Variants in MECOM observed in about 807,000 individuals in gnomAD.
MECOM encodes histone-lysine N-methyltransferase MECOM.
Under a neutral mutation model 116.3 loss-of-function variants are expected in MECOM, and 13 were observed. The ratio of observed to expected loss-of-function variants is 0.11; its 90% CI spans 0.07 to 0.18. The LOEUF (loss-of-function observed/expected upper bound fraction) is 0.18. Ranked by LOEUF, MECOM falls within the 10% of genes least tolerant of loss-of-function variation. The pLI is 1.00. For synonymous variants in MECOM, 528 were observed against 535.2 expected, an observed-to-expected ratio of 0.99 and a Z score of 0.19; for missense variants, 1,299 against 1,509.0, an observed-to-expected ratio of 0.86 and a Z score of 2.31.
intron 1 of MECOM, among the ~76,000 whole-genome samples, chr3:169,575,436 G>C (rs1055460925): frequency 2.6e-5 from 4 of 152,192 alleles, no homozygotes; most frequent in Non-Finnish European, 4.4e-5. Context: ...GAGAATGCCA[G>C]CACTGTCTCC....
At chr3:169,303,606 C>T (rs1225142083) in intron 2 of MECOM, among the ~76,000 whole-genome samples, 2 of 152,164 alleles carry the variant, frequency 1.3e-5, no homozygotes, top group African/African-American at 2.4e-5. Flanking sequence ...CAATTTCTTT[C>T]TCTTCTGAAA....
At chr3:169,656,860 A>C (rs924047458) in intron 1 of MECOM, among the ~76,000 whole-genome samples, 1 of 152,388 alleles carries the variant, frequency 6.6e-6, no homozygotes, top group Non-Finnish European at 1.5e-5. Flanking sequence ...GCCTTAAAAA[A>C]AATTCAGTAT....
intron 2 of MECOM, among the ~76,000 whole-genome samples, chr3:169,215,431 C>T (rs2149484588): frequency 6.6e-6 from 1 of 152,204 alleles, no homozygotes; most frequent in South Asian, 2.1e-4. Flanking sequence ...TAATAAATTG[C>T]TGTGAGTTTT....
intron 1 of MECOM, among the ~76,000 whole-genome samples, chr3:169,394,043 A>T (rs1461150286): frequency 2.0e-5 from 3 of 152,196 alleles, no homozygotes; most frequent in Non-Finnish European, 2.9e-5. Context: ...CAGGAAAGAT[A>T]CCTGAAGTCT....
At chr3:169,531,443 C>T (rs571735049) in intron 1 of MECOM, among the ~76,000 whole-genome samples, 114 of 152,268 alleles carry the variant, frequency 7.5e-4, no homozygotes, top group African/African-American at 2.7e-3. Flanking sequence ...TTCAAGATAT[C>T]TTTTTCCACT....
rs201463796 is a variant in MECOM at position 169,663,412 on chromosome 3, C to CTT, written c.-42_-41dup. The stretch of plus-strand genomic sequence containing the variant: ...TGCAGCCGCTGGTGTGTGGTTGGGG[C>CTT]TTTTTTTTCTTGGATCCTTTCCTTC... On this transcript the variant is annotated 5_prime_UTR_variant, in exon 1 of 17. Transcript: ENST00000651503. 1 of 1,588,956 alleles carries CTT rather than the reference C, an allele frequency of 6.3e-7. No individual in the cohort carries two copies. The highest frequency in any genetic ancestry group is 2.3e-5 in the East Asian group (1 of 43,644).
At chr3:169,447,273 T>G (rs1744803755) in intron 1 of MECOM, among the ~76,000 whole-genome samples, 1 of 152,080 alleles carries the variant, frequency 6.6e-6, no homozygotes, top group Non-Finnish European at 1.5e-5. Context: ...CTCCATCTTC[T>G]CCTATAAAAA....
At chr3:169,389,593 A>G in intron 1 of MECOM, 1 of 985,360 alleles carries the variant, frequency 1.0e-6, no homozygotes, top group Non-Finnish European at 1.2e-6. Flanking sequence ...TAAGCTTTCT[A>G]TGTCCCCAAA....
Position 169,355,125 on chromosome 3 carries a change from G to A in MECOM, c.375+26062C>T, listed in dbSNP as rs185950617. The stretch of plus-strand genomic sequence containing the variant: ...CCACTTAATGGCTCACAATAGATCT[G>A]AGCAGACAGATGAAATTTAAAACTT... On this transcript the variant is annotated intron_variant, in intron 2 of 16. Coordinates refer to ENST00000651503, the MANE Select transcript of MECOM (RefSeq NM_004991.4). Among the ~76,000 whole-genome samples the A allele has an allele frequency of 2.1e-3, 321 of 152,068 alleles. 3 individuals carry two copies. Among genetic ancestry groups the A allele is most frequent in the South Asian group, 0.019 (93 of 4,826 alleles).
chr3:169,312,437 C>T (rs1238243567), intron 2 of MECOM, among the ~76,000 whole-genome samples: 1 of 144,146 alleles, frequency 6.9e-6, no homozygotes, highest in South Asian at 2.2e-4. Flanking sequence ...GGCGCGATCT[C>T]GGCTCACTGC....
chr3:169,298,940 T>C (rs1716153577), intron 2 of MECOM, among the ~76,000 whole-genome samples: 2 of 152,110 alleles, frequency 1.3e-5, no homozygotes, highest in African/African-American at 4.8e-5. Context: ...CGAACTATAA[T>C]AGGGGAAACT....
chr3:169,096,704 T>C (rs1721609857), intron 12 of MECOM, among the ~76,000 whole-genome samples: 1 of 152,176 alleles, frequency 6.6e-6, no homozygotes, highest in African/African-American at 2.4e-5. Context: ...AAAGCAGAAG[T>C]CACCCCATTC....
intron 1 of MECOM, among the ~76,000 whole-genome samples, chr3:169,486,311 T>C (rs1752381265): frequency 6.6e-6 from 1 of 151,836 alleles, no homozygotes; most frequent in Admixed American, 6.6e-5. Context: ...GCACATGTAA[T>C]GGCATTGAAA....
intron 2 of MECOM, among the ~76,000 whole-genome samples, chr3:169,204,272 T>C (rs549420761): frequency 6.6e-6 from 1 of 152,346 alleles, no homozygotes; most frequent in African/African-American, 2.4e-5. Context: ...TTAGAAACTT[T>C]ACAGCTGGAA....
rs573454058 is a variant in MECOM, at chr3:169,330,754, A to T, written c.375+50433T>A. 1.8e-3 allele frequency among the ~76,000 whole-genome samples: 274 copies of T among 152,218 alleles called. 1 individual carries two copies. Among genetic ancestry groups the T allele is most frequent in the South Asian group, 2.5e-3 (12 of 4,830 alleles). ...AATAAATGTAATCTGTAGAAAAGAA[A>T]TTTCATATTACCAAAATAAGTGACA... On this transcript the variant is annotated intron_variant, in intron 2 of 16. Coordinates refer to ENST00000651503, the MANE Select transcript of MECOM (RefSeq NM_004991.4).
chr3:169,483,834 T>G, intron 1 of MECOM: 3 of 1,611,782 alleles, frequency 1.9e-6, no homozygotes, highest in Non-Finnish European at 2.5e-6. Context: ...GAAAGGCACC[T>G]CGGATGTCAC....
chr3:169,494,665 A>G (rs1333960317), intron 1 of MECOM, among the ~76,000 whole-genome samples: 1 of 152,222 alleles, frequency 6.6e-6, no homozygotes, highest in Non-Finnish European at 1.5e-5. Flanking sequence ...CGAGAGCACA[A>G]TCTTTTAAAG....
chr3:169,127,835 A>G lies in MECOM; in HGVS notation c.830+9T>C. The stretch of plus-strand genomic sequence containing the variant: ...CACAAGTTGTATGGTACAACATGCC[A>G]TTTCTAACCTTTGCAAATCAGGAAA... On this transcript the variant is annotated intron_variant, in intron 5 of 16. Transcript: ENST00000651503. The G allele has an allele frequency of 3.7e-6, 6 of 1,610,870 alleles. No homozygotes were observed. The highest frequency in any genetic ancestry group is 1.1e-5 in the South Asian group (1 of 91,012).
At chr3:169,630,016 C>T (rs1240493077) in intron 1 of MECOM, among the ~76,000 whole-genome samples, 1 of 152,196 alleles carries the variant, frequency 6.6e-6, no homozygotes, top group African/African-American at 2.4e-5. Flanking sequence ...CAGCCTGCTC[C>T]TCCATTGGCC....
Sources: allele counts gnomAD v4.1 joint callset (sites outside exome capture counted in the v4.1 genomes callset), GRCh38; gene constraint gnomAD v4.1.1; transcripts MANE v1.5; gene names NCBI Gene and HGNC (gene_info 2026-07-23, HGNC 2026-07-21).